MMD: variants seen among roughly 807,000 people sequenced by gnomAD.
MMD encodes the protein monocyte to macrophage differentiation factor.
MMD carries 22 observed loss-of-function variants against 33.6 expected under a neutral mutation model. The ratio of observed to expected loss-of-function variants is 0.66; its 90% confidence interval spans 0.47 to 0.94. The LOEUF is 0.94. MMD is among the 40% of genes least tolerant of loss of function. MMD has a pLI of 0.00. For missense variants in MMD, 242 were observed against 309.8 expected, an observed-to-expected ratio of 0.78 and a Z score of 1.64; for synonymous variants, 97 against 103.2, an observed-to-expected ratio of 0.94 and a Z score of 0.36.
chr17:55,416,379 CA>C (rs1907967813), intron 1 of MMD, among the ~76,000 whole-genome samples: 1 of 152,140 alleles, frequency 6.6e-6, no homozygotes, highest in Non-Finnish European at 1.5e-5. Flanking sequence ...TGGAATAATT[CA>C]CATTAAAAAA....
intron 4 of MMD, chr17:55,404,717 G>A (rs1040468863): frequency 2.4e-5 from 24 of 985,106 alleles, no homozygotes; most frequent in Non-Finnish European, 2.9e-5. Context: ...ACTGTTGTGA[G>A]GTTTGAATTT....
intron 5 of MMD, among the ~76,000 whole-genome samples, 153 bp from the exon 6 acceptor site, chr17:55,401,691 C>T (rs927038804): frequency 2.6e-5 from 4 of 152,120 alleles, no homozygotes; most frequent in African/African-American, 4.8e-5. Flanking sequence ...ACCACTAGGC[C>T]TCTAACTAAA....
intron 2 of MMD, among the ~76,000 whole-genome samples, chr17:55,413,051 G>T (rs1907823678): frequency 6.6e-6 from 1 of 152,136 alleles, no homozygotes; most frequent in African/African-American, 2.4e-5. Context: ...TGGGGGTTTT[G>T]TCAGGTCTCC....
chr17:55,416,523 G>A (rs545139215), intron 1 of MMD, among the ~76,000 whole-genome samples: 127 of 152,204 alleles, frequency 8.3e-4, no homozygotes, highest in Middle Eastern at 3.2e-3. Flanking sequence ...CTCTAAATCT[G>A]GGGCTCAGTA....
intron 4 of MMD, among the ~76,000 whole-genome samples, chr17:55,406,750 G>A (rs947592067): frequency 3.3e-5 from 5 of 152,140 alleles, no homozygotes; most frequent in South Asian, 2.1e-4. Flanking sequence ...GCTCGGTGTG[G>A]TGGCACACGC....
chr17:55,398,171 T>G (rs1266287027), intron 6 of MMD, among the ~76,000 whole-genome samples: 4 of 149,712 alleles, frequency 2.7e-5, no homozygotes, highest in Admixed American at 6.6e-5. Context: ...AACAAAAAAC[T>G]GCCCCAATTT....
chr17:55,398,111 C>CAAAAAAAA (rs57881926), intron 6 of MMD, among the ~76,000 whole-genome samples: 5 of 132,154 alleles, frequency 3.8e-5, no homozygotes, highest in African/African-American at 1.4e-4. Context: ...ATTATTTCTT[C>CAAAAAAAA]AAAAAAAAAA....
chr17:55,404,711 T>C, intron 4 of MMD: 1 of 985,116 alleles, frequency 1.0e-6, no homozygotes, highest in Non-Finnish European at 1.2e-6. Context: ...CCATGGACTG[T>C]TGTGAGGTTT....
intron 5 of MMD, 88 bp downstream of exon 5, chr17:55,403,679 G>T: frequency 1.1e-6 from 1 of 892,662 alleles, no homozygotes; most frequent in Non-Finnish European, 1.7e-6. Flanking sequence ...CTGTTTTGAA[G>T]TACAAATAAA....
chr17:55,418,034 G>A (rs558548244), intron 1 of MMD, among the ~76,000 whole-genome samples: 13 of 152,294 alleles, frequency 8.5e-5, no homozygotes, highest in African/African-American at 3.1e-4. Context: ...TCAAGGTTGT[G>A]TCTGCCTCTG....
intron 2 of MMD, among the ~76,000 whole-genome samples, chr17:55,413,849 G>A (rs1907857821): frequency 6.6e-6 from 1 of 152,214 alleles, no homozygotes; most frequent in African/African-American, 2.4e-5. Flanking sequence ...AGGGGTGACA[G>A]TCTTCATAAA....
intron 1 of MMD, among the ~76,000 whole-genome samples, chr17:55,416,384 T>C (rs547219993): frequency 6.6e-6 from 1 of 152,202 alleles, no homozygotes; most frequent in East Asian, 1.9e-4. Context: ...TAATTCACAT[T>C]AAAAAATAAA....
At chr17:55,421,615 A>T (rs1036078780) in intron 1 of MMD, 55 bp downstream of exon 1, 19 of 1,571,458 alleles carry the variant, frequency 1.2e-5, no homozygotes, top group African/African-American at 1.4e-5. Flanking sequence ...TAACGGCGGG[A>T]TTTGGGAACC....
intron 2 of MMD, among the ~76,000 whole-genome samples, chr17:55,411,979 AGG>A (rs1354224400): frequency 1.3e-5 from 2 of 152,148 alleles, no homozygotes; most frequent in African/African-American, 2.4e-5. Flanking sequence ...TGGCAGGCTG[AGG>A]TGGGAAGACT....
At chr17:55,410,708 A>C (rs1055235285) in intron 3 of MMD, among the ~76,000 whole-genome samples, 10 of 152,054 alleles carry the variant, frequency 6.6e-5, no homozygotes, top group Admixed American at 6.6e-5. Flanking sequence ...TACCTCACAC[A>C]CTCATAGGGT....
Position 55,393,105 on chromosome 17 carries a change from TAAC to T in MMD, c.*1226_*1228del, listed in dbSNP as rs1307227896. 7 of 152,082 alleles carry T rather than the reference TAAC, an allele frequency of 4.6e-5. No homozygotes were observed. Among genetic ancestry groups the T allele is most frequent in the African/African-American group, 1.2e-4 (5 of 41,414 alleles). 9.4% of individuals were successfully genotyped at this position (152,082 alleles called of 1,614,324 possible). The stretch of plus-strand genomic sequence containing the variant: ...AGAGATTAATCAACAAAGCAACTAT[TAAC>T]AACATGTTAATCTTAATATAAGACA... On this transcript the variant is annotated 3_prime_UTR_variant, in exon 7 of 7. Transcript: ENST00000262065.
intron 1 of MMD, among the ~76,000 whole-genome samples, chr17:55,414,668 C>T (rs1291585927): frequency 1.3e-5 from 2 of 151,260 alleles, no homozygotes; most frequent in Non-Finnish European, 2.9e-5. Context: ...GGATACACTA[C>T]ATTTGAAAAA....
At chr17:55,403,659 T>C (rs1448528777) in intron 5 of MMD, 108 bp downstream of exon 5, 6 of 685,660 alleles carry the variant, frequency 8.8e-6, no homozygotes, top group Middle Eastern at 3.3e-4. Context: ...ATTCTATATA[T>C]GTATTTCTAC....
At chr17:55,410,200 G>A (rs1218416197) in intron 3 of MMD, among the ~76,000 whole-genome samples, 1 of 152,136 alleles carries the variant, frequency 6.6e-6, no homozygotes, top group East Asian at 1.9e-4. Flanking sequence ...TGAATTAGAT[G>A]ATTTCTAAAG....
Sources: allele counts gnomAD v4.1 joint callset (sites outside exome capture counted in the v4.1 genomes callset), GRCh38; gene constraint gnomAD v4.1.1; transcripts MANE v1.5; gene names NCBI Gene and HGNC (gene_info 2026-07-23, HGNC 2026-07-21).